The following CTNNA2 variants were observed in gnomAD, a reference collection of about 807,000 sequenced individuals.
CTNNA2 encodes catenin alpha 2, also known as catenin alpha-2.
A neutral mutation model predicts 101.0 loss-of-function variants in CTNNA2; 42 were observed. The ratio of observed to expected loss-of-function variants is 0.42; its 90% confidence interval spans 0.32 to 0.54. The LOEUF is 0.54. CTNNA2 is among the 20% of genes least tolerant of loss of function. CTNNA2 has a pLI of 0.14. For synonymous variants in CTNNA2, 450 were observed against 456.4 expected (o/e 0.99, Z 0.18); for missense variants, 871 against 1,223.1 (o/e 0.71, Z 4.29).
chr2:79,815,058 G>A (rs998129028), intron 3 of CTNNA2, among the ~76,000 whole-genome samples: 1 of 152,008 alleles, frequency 6.6e-6, no homozygotes, highest in Admixed American at 6.6e-5. Context: ...ATGTTGGTTG[G>A]CCATTTTTGT....
chr2:79,822,445 T>C (rs61520837), intron 3 of CTNNA2, among the ~76,000 whole-genome samples: 1 of 152,180 alleles, frequency 6.6e-6, no homozygotes, highest in African/African-American at 2.4e-5. Context: ...AAAAATCTTA[T>C]AGCACTGTGT....
At chr2:79,360,612 A>G (rs1573118913) in intron 3 of CTNNA2, among the ~76,000 whole-genome samples, 1 of 152,364 alleles carries the variant, frequency 6.6e-6, no homozygotes. Flanking sequence ...CTAATGAGAC[A>G]GGAAATACTT....
intron 7 of CTNNA2, among the ~76,000 whole-genome samples, chr2:80,307,676 G>A (rs1295309558): frequency 2.6e-5 from 4 of 152,188 alleles, no homozygotes; most frequent in Non-Finnish European, 5.9e-5. Flanking sequence ...TATTGGATAA[G>A]AGATGCTTTA....
chr2:80,373,486 A>C (rs111956979), intron 7 of CTNNA2, among the ~76,000 whole-genome samples: 96 of 152,310 alleles, frequency 6.3e-4, no homozygotes, highest in African/African-American at 2.3e-3. Context: ...AAGCTTTCAC[A>C]TAGCATATAG....
intron 2 of CTNNA2, among the ~76,000 whole-genome samples, chr2:79,254,929 C>A (rs1311402186): frequency 1.3e-5 from 2 of 152,092 alleles, no homozygotes; most frequent in Admixed American, 1.3e-4. Flanking sequence ...AGAGTAGGGG[C>A]AAGGATGATG....
At chr2:79,367,033 G>A (rs1677766745) in intron 3 of CTNNA2, among the ~76,000 whole-genome samples, 1 of 152,146 alleles carries the variant, frequency 6.6e-6, no homozygotes, top group Non-Finnish European at 1.5e-5. Context: ...TTTGGAGATG[G>A]AGCCTTTGAG....
At chr2:79,856,551 C>T (rs1358474866) in intron 3 of CTNNA2, among the ~76,000 whole-genome samples, 1 of 152,158 alleles carries the variant, frequency 6.6e-6, no homozygotes, top group African/African-American at 2.4e-5. Context: ...AGCTTTTATA[C>T]CCCTGTGTAC....
At chr2:79,306,984 G>A (rs1676262778) in intron 2 of CTNNA2, among the ~76,000 whole-genome samples, 1 of 152,058 alleles carries the variant, frequency 6.6e-6, no homozygotes, top group South Asian at 2.1e-4. Context: ...TTGCTGATTT[G>A]TAGGCATAAG....
chr2:79,659,942 A>G (rs78937811), intron 2 of CTNNA2, among the ~76,000 whole-genome samples: 12,452 of 152,238 alleles, frequency 0.082, 645 homozygotes, highest in East Asian at 0.25. Flanking sequence ...ATAGTAAGCT[A>G]TGATGGTGCC....
chr2:79,554,508 T>G (rs1466625236), intron 1 of CTNNA2, among the ~76,000 whole-genome samples: 2 of 152,160 alleles, frequency 1.3e-5, no homozygotes, highest in African/African-American at 4.8e-5. Flanking sequence ...GAAGCTTATC[T>G]TCCAGTGGGA....
intron 7 of CTNNA2, among the ~76,000 whole-genome samples, chr2:80,130,164 A>C (rs541427964): frequency 1.4e-4 from 21 of 152,310 alleles, no homozygotes; most frequent in Non-Finnish European, 2.9e-4. Context: ...TCAGTGTTCT[A>C]GTCAAGCTCT....
intron 8 of CTNNA2, among the ~76,000 whole-genome samples, chr2:80,394,794 G>A (rs1349810161): frequency 6.6e-6 from 1 of 151,762 alleles, no homozygotes; most frequent in Non-Finnish European, 1.5e-5. Context: ...ATAAGATTGT[G>A]TGAGTCTAAG....
At chr2:80,218,521 C>T (rs552665960) in intron 7 of CTNNA2, among the ~76,000 whole-genome samples, 1 of 152,324 alleles carries the variant, frequency 6.6e-6, no homozygotes, top group East Asian at 1.9e-4. Context: ...TAGTTAAGAG[C>T]AAGGGCTCTG....
intron 3 of CTNNA2, among the ~76,000 whole-genome samples, chr2:79,363,519 G>C (rs1030012012): frequency 2.6e-5 from 4 of 151,294 alleles, no homozygotes; most frequent in African/African-American, 4.9e-5. Flanking sequence ...TCTCTTTGTA[G>C]GTATTTATTA....
intron 8 of CTNNA2, among the ~76,000 whole-genome samples, chr2:80,397,980 C>T (rs1438197771): frequency 6.6e-6 from 1 of 152,090 alleles, no homozygotes; most frequent in African/African-American, 2.4e-5. Context: ...ACCTCTACAA[C>T]TCTAAGATTT....
intron 7 of CTNNA2, among the ~76,000 whole-genome samples, chr2:80,366,844 G>T (rs961596748): frequency 6.6e-6 from 1 of 152,066 alleles, no homozygotes; most frequent in South Asian, 2.1e-4. Flanking sequence ...TGCCCAAGGT[G>T]GTCGAGGCAC....
At chr2:80,414,511 T>C (rs1679866048) in intron 8 of CTNNA2, among the ~76,000 whole-genome samples, 1 of 152,196 alleles carries the variant, frequency 6.6e-6, no homozygotes, top group Non-Finnish European at 1.5e-5. Context: ...TTCAGAGAAT[T>C]CCTCATGTTA....
intron 2 of CTNNA2, among the ~76,000 whole-genome samples, chr2:79,684,905 C>T (rs2104664232): frequency 6.6e-6 from 1 of 152,252 alleles, no homozygotes; most frequent in South Asian, 2.1e-4. Context: ...CCTCTGTGAG[C>T]TCCGCCCTCT....
chr2:79,923,440 T>C (rs1412457531), intron 7 of CTNNA2, among the ~76,000 whole-genome samples: 1 of 152,126 alleles, frequency 6.6e-6, no homozygotes, highest in Non-Finnish European at 1.5e-5. Context: ...TGGTCTGCTT[T>C]TAATAATTAA....
Sources: allele counts gnomAD v4.1 joint callset (sites outside exome capture counted in the v4.1 genomes callset), GRCh38; gene constraint gnomAD v4.1.1; transcripts MANE v1.5; gene names NCBI Gene and HGNC (gene_info 2026-07-23, HGNC 2026-07-21).